The following TRIM8 variants were observed in gnomAD, a reference collection of about 807,000 sequenced individuals.
TRIM8 encodes E3 ubiquitin-protein ligase TRIM8.
In TRIM8, 9 loss-of-function variants were observed where a neutral mutation model predicts 55.7. The ratio of observed to expected loss-of-function variants is 0.16; its 90% CI spans 0.10 to 0.28. The LOEUF is 0.28. Ranked by LOEUF, TRIM8 falls within the 10% of genes least tolerant of loss-of-function variation. The probability of loss-of-function intolerance (pLI) is 1.00; values close to 1 mark genes in which losing one functional copy is unlikely to be tolerated. For missense variants in TRIM8, 556 were observed against 736.4 expected (o/e 0.76, Z 2.83); for synonymous variants, 335 against 333.3 (o/e 1.01, Z -0.06).
In TRIM8 at chr10:102,645,144, G is replaced by A; in HGVS notation, c.527G>A (p.Gly176Glu). ...TGCTACTACAGCGGCGCGCATCAGG[G>A]ACACTCGGTGTGCGACGTGGAGATC... ...YCCYYSGAHQ[G>E]HSVCDVEIRR... The change falls in exon 1 of 6, where the codon GGA (glycine) becomes GAA (glutamate). Residue 176 changes from glycine (G) to glutamate (E), a missense_variant. Physicochemically the swap from Gly to Glu is moderately conservative, Grantham distance 98 (BLOSUM62 -2). Coordinates refer to ENST00000643721, the MANE Select transcript of TRIM8 (RefSeq NM_030912.3). 6.4e-7 allele frequency: 1 copy of A among 1,572,232 alleles called. No homozygotes were observed. Among genetic ancestry groups the A allele is most frequent in the Non-Finnish European group, 8.6e-7 (1 of 1,167,718 alleles).
Position 102,645,038 on chromosome 10 carries a change from C to A in TRIM8, c.421C>A (p.Arg141=). 6.3e-7 allele frequency: 1 copy of A among 1,590,776 alleles called. No homozygotes were observed. The highest frequency in any genetic ancestry group is 8.5e-7 in the Non-Finnish European group (1 of 1,175,392). ...GHLLVEADDV[R]AWSCPQHNAY... is the part of the protein sequence containing the mutation. ...CCTCCTGGTGGAGGCGGACGACGTGCGGGCCTGGAGCTGCCCGCAGCACAA... is the reference window on the plus strand; with the variant it reads ...CCTCCTGGTGGAGGCGGACGACGTGAGGGCCTGGAGCTGCCCGCAGCACAA... Residue 141 remains arginine, a synonymous_variant, in exon 1 of 6, where the codon CGG becomes AGG. Transcript: ENST00000643721.
Position 102,657,024 on chromosome 10 carries a change from C to T in TRIM8, c.1326C>T (p.Pro442=). Residue 442 remains proline (P), a synonymous_variant, in exon 6 of 6, where the codon CCC becomes CCT. Coordinates refer to ENST00000643721, the MANE Select transcript of TRIM8 (RefSeq NM_030912.3). The part of the protein sequence containing the change: ...AQPVHSSPVF[P]PSQYPNGSAA... ...CAGTGCACTCAAGCCCCGTGTTCCC[C>T]CCATCGCAGTATCCCAATGGCTCCG... 3 of 1,612,872 alleles carry T rather than the reference C, an allele frequency of 1.9e-6. No individual in the cohort carries two copies. The highest frequency in any genetic ancestry group is 2.5e-6 in the Non-Finnish European group (3 of 1,179,934).
chr10:102,654,774 G>A (rs991221789), intron 2 of TRIM8, 26 bp downstream of exon 2: 18 of 1,565,662 alleles, frequency 1.1e-5, no homozygotes, highest in Non-Finnish European at 1.4e-5. Flanking sequence ...GCCATGCTGC[G>A]GGGTGGGGGT....
At chr10:102,654,810 G>A in intron 2 of TRIM8, 62 bp downstream of exon 2, 2 of 1,257,116 alleles carry the variant, frequency 1.6e-6, no homozygotes, top group South Asian at 1.2e-5. Flanking sequence ...CTTTGGGTGA[G>A]TTCCTTACTA....
intron 1 of TRIM8, among the ~76,000 whole-genome samples, chr10:102,647,223 TGTGTGTGTGCGTGTGTGC>T (rs1473751758): frequency 6.6e-6 from 1 of 151,600 alleles, no homozygotes; most frequent in Non-Finnish European, 1.5e-5. Flanking sequence ...CTCCGCAGGG[TGTGTGTGTGCGTGTGTGC>T]GTGTGTGTGC....
At chr10:102,650,660 C>T (rs997297107) in intron 1 of TRIM8, among the ~76,000 whole-genome samples, 89 of 152,294 alleles carry the variant, frequency 5.8e-4, no homozygotes, top group African/African-American at 2.1e-3. Context: ...TAAGGTGCCT[C>T]CAGCCCACCT....
chr10:102,657,142 G>T lies in TRIM8; in HGVS notation c.1444G>T (p.Gly482Cys), dbSNP rs1274070296. 1 of 1,613,880 alleles carries T rather than the reference G, an allele frequency of 6.2e-7. No individual in the cohort carries two copies. The highest frequency in any genetic ancestry group is 2.2e-5 in the East Asian group (1 of 44,872). Residue 482 changes from glycine (G) to cysteine (C), a missense_variant, in exon 6 of 6, where the codon GGC (glycine) becomes TGC (cysteine). Physicochemically the swap from Gly to Cys is radical, Grantham distance 159 (BLOSUM62 -3). Coordinates refer to ENST00000643721, the MANE Select transcript of TRIM8 (RefSeq NM_030912.3). ...NCYCSSVANH[G>C]GHQPYPRSGH... ...TTACTGTTCTTCCGTGGCCAACCAT[G>T]GCGGCCACCAGCCCTACCCCCGCTC...
At chr10:102,654,623 T>A (rs1209778997) in intron 1 of TRIM8, 30 bp from the exon 2 acceptor site, 1 of 1,570,044 alleles carries the variant, frequency 6.4e-7, no homozygotes, top group Non-Finnish European at 8.8e-7. Context: ...CCACAGTCCC[T>A]CTGATACTCC....
In TRIM8 at chr10:102,655,176, G is replaced by A; in HGVS notation, c.763G>A (p.Asp255Asn). ...EDLRQTVEVLDKAQAKFCSEN... is the reference protein window; with the variant it reads ...EDLRQTVEVLNKAQAKFCSEN... ...CCTGCGGCAGACAGTGGAGGTCCTAGACAAGGCCCAGGCCAAGTTCTGCAG... is the reference window on the plus strand; with the variant it reads ...CCTGCGGCAGACAGTGGAGGTCCTAAACAAGGCCCAGGCCAAGTTCTGCAG... Residue 255 changes from aspartate (D) to asparagine (N), a missense_variant, in exon 3 of 6, where the codon GAC becomes AAC. Transcript: ENST00000643721. 6.2e-7 allele frequency: 1 copy of A among 1,611,296 alleles called. No individual in the cohort carries two copies. Among genetic ancestry groups the A allele is most frequent in the Non-Finnish European group, 8.5e-7 (1 of 1,179,230 alleles).
At chr10:102,653,474 G>C (rs919911425) in intron 1 of TRIM8, 1 of 152,696 alleles carries the variant, frequency 6.5e-6, no homozygotes, top group Non-Finnish European at 1.5e-5. Context: ...CGGAGTCACG[G>C]AGAGTTTTTG....
chr10:102,656,704 T>C lies in TRIM8; in HGVS notation c.1049-43T>C, dbSNP rs941919739. The C allele has an allele frequency of 2.1e-5, 31 of 1,506,574 alleles. No homozygotes were observed. Among genetic ancestry groups the C allele is most frequent in the Non-Finnish European group, 2.7e-5 (31 of 1,129,774 alleles). 93.3% of individuals were successfully genotyped at this position (1,506,574 alleles called of 1,614,324 possible). On this transcript the variant is annotated intron_variant, in intron 5 of 5. Transcript: ENST00000643721. The surrounding 1 kb of genome is among the most constrained non-coding windows in gnomAD (Gnocchi z 4.6). ...CCCAGGGAGAGGAGGCCTGGGTTGC[T>C]TGGGGTGGGAGCTTTGGCGACTTTT... is the stretch of plus-strand genomic sequence containing the variant.
chr10:102,656,503 G>T lies in TRIM8; in HGVS notation c.1048+118G>T. The T allele has an allele frequency of 6.9e-7, 1 of 1,457,082 alleles. No individual in the cohort carries two copies. 90.3% of individuals were successfully genotyped at this position (1,457,082 alleles called of 1,614,324 possible). ...TCTGGGAGACCTGTCCTCATATCCA[G>T]GCTTTGCCACTTGTAGCTGTGGGAC... is the stretch of plus-strand genomic sequence containing the variant. On this transcript the variant is annotated intron_variant, in intron 5 of 5. Coordinates refer to ENST00000643721, the MANE Select transcript of TRIM8 (RefSeq NM_030912.3). This position sits in a 1 kb window ranked among gnomAD's most constrained non-coding sequence, Gnocchi z 4.6.
In TRIM8 at chr10:102,656,704, TTGGGG is replaced by T. The variant is rs1564722416; in HGVS notation, c.1049-38_1049-34del. The T allele has an allele frequency of 2.7e-6, 4 of 1,506,692 alleles. No homozygotes were observed. The highest frequency in any genetic ancestry group is 3.5e-6 in the Non-Finnish European group (4 of 1,129,766). 93.3% of individuals were successfully genotyped at this position (1,506,692 alleles called of 1,614,324 possible). A position where few individuals can be genotyped will look rare whatever the true frequency, so the allele number is the denominator to read the frequency against. On this transcript the variant is annotated intron_variant, in intron 5 of 5. Coordinates refer to ENST00000643721, the MANE Select transcript of TRIM8 (RefSeq NM_030912.3). This position sits in a 1 kb window ranked among gnomAD's most constrained non-coding sequence, Gnocchi z 4.6. ...CCCAGGGAGAGGAGGCCTGGGTTGC[TTGGGG>T]TGGGAGCTTTGGCGACTTTTGCCCC...
chr10:102,656,497 T>TATC lies in TRIM8; in HGVS notation c.1048+113_1048+115dup. On this transcript the variant is annotated intron_variant, in intron 5 of 5. Transcript: ENST00000643721. The surrounding 1 kb of genome is among the most constrained non-coding windows in gnomAD (Gnocchi z 4.6). ...GCCCAGTCTGGGAGACCTGTCCTCA[T>TATC]ATCCAGGCTTTGCCACTTGTAGCTG... The TATC allele has an allele frequency of 6.8e-7, 1 of 1,469,322 alleles. No individual in the cohort carries two copies. The allele number at this position is 1,469,322 out of a possible 1,614,324, so 91.0% of individuals were successfully genotyped here.
At position 102,644,801 on chromosome 10, in the gene TRIM8, A is replaced by C. The variant is rs2063919359; in HGVS notation, c.184A>C (p.Lys62Gln). The C allele has an allele frequency of 1.2e-5, 19 of 1,613,204 alleles. No individual in the cohort carries two copies. The highest frequency in any genetic ancestry group is 1.4e-5 in the Non-Finnish European group (17 of 1,179,886). ...CPECNQAYNQKPGLEKNLKLT... is the reference protein window; with the variant it reads ...CPECNQAYNQQPGLEKNLKLT... Reference sequence around the variant, plus strand: ...AGAGTGCAACCAGGCCTACAACCAGAAGCCGGGCCTGGAGAAGAACCTGAA... The same window carrying C: ...AGAGTGCAACCAGGCCTACAACCAGCAGCCGGGCCTGGAGAAGAACCTGAA... Residue 62 changes from lysine (K) to glutamine (Q), a missense_variant, in exon 1 of 6, where the codon AAG (lysine) becomes CAG (glutamine). Lys to Gln is a moderately conservative substitution (Grantham distance 53). This residue lies in a region of TRIM8 where 165 missense variants were observed against 295.3 expected (regional missense o/e 0.56). Transcript: ENST00000643721.
At chr10:102,647,111 G>A (rs2063942621) in intron 1 of TRIM8, among the ~76,000 whole-genome samples, 2 of 152,228 alleles carry the variant, frequency 1.3e-5, no homozygotes, top group Non-Finnish European at 2.9e-5. Context: ...GGGTGGGTGG[G>A]TGGCATGTGC....
chr10:102,650,932 G>A (rs1220645580), intron 1 of TRIM8, among the ~76,000 whole-genome samples: 6 of 152,162 alleles, frequency 3.9e-5, no homozygotes, highest in African/African-American at 7.2e-5. Context: ...TGAAGGGGAC[G>A]GCAGGCAGGT....
At chr10:102,646,906 C>T (rs567735718) in intron 1 of TRIM8, among the ~76,000 whole-genome samples, 2 of 152,196 alleles carry the variant, frequency 1.3e-5, no homozygotes, top group Non-Finnish European at 2.9e-5. Flanking sequence ...GATGCCTGCC[C>T]GCACCCACAG....
At position 102,656,914 on chromosome 10, in the gene TRIM8, G is replaced by A. The variant is rs754119372; in HGVS notation, c.1216G>A (p.Ala406Thr). ...CGGCCAGTACGGGGCGGCGGGCACAGCCAGCGGTGAGGGCCAGTCTGGGCA... is the reference window on the plus strand; with the variant it reads ...CGGCCAGTACGGGGCGGCGGGCACAACCAGCGGTGAGGGCCAGTCTGGGCA... ...VGGQYGAAGT[A>T]SGEGQSGQPL... Residue 406 changes from alanine (A) to threonine (T), a missense_variant, in exon 6 of 6, where the codon GCC becomes ACC. Ala to Thr is a moderately conservative substitution (Grantham distance 58, BLOSUM62 0). Transcript: ENST00000643721. The surrounding 1 kb of genome is among the most constrained non-coding windows in gnomAD (Gnocchi z 4.6). 6.9e-6 allele frequency: 11 copies of A among 1,601,114 alleles called. No individual in the cohort carries two copies. The highest frequency in any genetic ancestry group is 2.7e-5 in the African/African-American group (2 of 74,518).
Sources: allele counts gnomAD v4.1 joint callset (sites outside exome capture counted in the v4.1 genomes callset), GRCh38; gene constraint gnomAD v4.1.1; regional missense constraint gnomAD v4.1.1; non-coding constraint Gnocchi (gnomAD v3.1); transcripts MANE v1.5; gene names NCBI Gene and HGNC (gene_info 2026-07-23, HGNC 2026-07-21).